CXorf58: variants seen among roughly 807,000 people sequenced by gnomAD.
The protein encoded by CXorf58 is chromosome X open reading frame 58, also known as uncharacterized protein CXorf58.
In CXorf58, 24 loss-of-function variants were observed where a neutral mutation model predicts 26.0. The ratio of observed to expected loss-of-function variants is 0.92; its 90% CI spans 0.67 to 1.30. The LOEUF (loss-of-function observed/expected upper bound fraction) is 1.30. CXorf58 is among the 50% of genes most tolerant of loss of function. The pLI, the probability that CXorf58 is intolerant of heterozygous loss-of-function variation, is 0.00. For synonymous variants in CXorf58, 87 were observed against 86.1 expected (o/e 1.01, Z -0.06); for missense variants, 236 against 263.9 (o/e 0.89, Z 0.73).
chrX:23,922,172 T>C (rs111616790), intron 5 of CXorf58, among the ~76,000 whole-genome samples: 7,931 of 108,905 alleles, frequency 0.073, 646 homozygotes, highest in African/African-American at 0.23. Flanking sequence ...GTCAGGAGTT[T>C]GAGACCAGCC....
intron 3 of CXorf58, among the ~76,000 whole-genome samples, chrX:23,914,446 G>A (rs1053365452): frequency 8.9e-6 from 1 of 112,017 alleles, no homozygotes; most frequent in Middle Eastern, 4.2e-3. Context: ...GTTGGTTGGG[G>A]TTGTTTGGGG....
intron 5 of CXorf58, among the ~76,000 whole-genome samples, chrX:23,920,645 A>C (rs1215667108): frequency 5.4e-5 from 6 of 111,588 alleles, no homozygotes; most frequent in Non-Finnish European, 1.1e-4. Context: ...TAATCCCAGC[A>C]CTTTGGGAGG....
chrX:23,933,884 CAAA>C (rs60513618), intron 6 of CXorf58, among the ~76,000 whole-genome samples: 6 of 94,380 alleles, frequency 6.4e-5, no homozygotes, highest in African/African-American at 2.3e-4. Context: ...CCGTCCCCCC[CAAA>C]AAAAAAAAAA....
intron 3 of CXorf58, among the ~76,000 whole-genome samples, chrX:23,913,069 C>T (rs974734608): frequency 1.8e-5 from 2 of 111,410 alleles, no homozygotes; most frequent in Non-Finnish European, 3.8e-5. Context: ...GCATATCCCC[C>T]CTCCTCCAGA....
intron 5 of CXorf58, among the ~76,000 whole-genome samples, chrX:23,922,105 T>A (rs1036786703): frequency 9.0e-6 from 1 of 111,086 alleles, no homozygotes; most frequent in Non-Finnish European, 1.9e-5. Flanking sequence ...CCGGGTGCTG[T>A]GGCTCACGCT....
chrX:23,924,703 T>C (rs1219826684), intron 5 of CXorf58, among the ~76,000 whole-genome samples: 3 of 108,268 alleles, frequency 2.8e-5, no homozygotes, highest in African/African-American at 1.0e-4. Context: ...TTAGGAGATA[T>C]ACCTAATGTT....
intron 5 of CXorf58, among the ~76,000 whole-genome samples, chrX:23,922,897 C>T (rs1207703010): frequency 1.8e-5 from 2 of 109,966 alleles, no homozygotes; most frequent in Non-Finnish European, 3.8e-5. Flanking sequence ...CAAATAGCCA[C>T]AGAGCTGTGG....
intron 5 of CXorf58, among the ~76,000 whole-genome samples, chrX:23,917,942 G>A (rs1350598990): frequency 1.8e-5 from 2 of 111,576 alleles, no homozygotes; most frequent in African/African-American, 6.5e-5. Context: ...CCAGGTTCAC[G>A]CCATTCTCCT....
chrX:23,912,968 G>A (rs1927622154), intron 3 of CXorf58, among the ~76,000 whole-genome samples: 1 of 109,666 alleles, frequency 9.1e-6, no homozygotes, highest in African/African-American at 3.3e-5. Flanking sequence ...GAAAGGAAAT[G>A]AAGATAGCTC....
rs189713713 is a variant in CXorf58 at position 23,922,435 on chromosome X, G to A, written c.424-4804G>A. ...CTAACTTGCCTAAGGTCTCACACCTGGAAAATGAAGGAACCGAGATCAAGA... is the reference window on the plus strand; with the variant it reads ...CTAACTTGCCTAAGGTCTCACACCTAGAAAATGAAGGAACCGAGATCAAGA... On this transcript the variant is annotated intron_variant, in intron 5 of 8. Transcript: ENST00000379211. Among the ~76,000 whole-genome samples, 31 of 111,108 alleles carry A rather than the reference G, an allele frequency of 2.8e-4. No homozygotes were observed. The East Asian group carries it at 7.1e-3, about 25-fold the overall frequency.
chrX:23,922,137 G>A (rs931146956), intron 5 of CXorf58, among the ~76,000 whole-genome samples: 4 of 110,685 alleles, frequency 3.6e-5, no homozygotes, highest in Non-Finnish European at 7.6e-5. Flanking sequence ...CACTTTGGGA[G>A]GCCGAGGCAG....
intron 6 of CXorf58, among the ~76,000 whole-genome samples, chrX:23,929,423 G>T (rs866003776): frequency 2.5e-5 from 2 of 78,717 alleles, no homozygotes; most frequent in Non-Finnish European, 5.0e-5. Flanking sequence ...AAAAAAAAAA[G>T]AAAAAGAAAA....
At chrX:23,910,469 C>A in intron 2 of CXorf58, 51 bp downstream of exon 2, 1 of 662,533 alleles carries the variant, frequency 1.5e-6, no homozygotes, top group South Asian at 2.4e-5. Flanking sequence ...GTACAGTTTC[C>A]AAACAGTACT....
rs746350773 is a variant in CXorf58 at position 23,911,953 on chromosome X, C to CTT, written c.216+112_216+113dup. On this transcript the variant is annotated intron_variant, in intron 3 of 8. Coordinates refer to ENST00000379211, the MANE Select transcript of CXorf58 (RefSeq NM_152761.3). ...GAATAGATAACCTTCTTTATCTCCTCTTTTTTTTTTTTTTTTGAGAGGGAG... is the reference window on the plus strand; with the variant it reads ...GAATAGATAACCTTCTTTATCTCCTCTTTTTTTTTTTTTTTTTTGAGAGGGAG... The CTT allele has an allele frequency of 5.8e-3, 2,536 of 435,272 alleles. 1 individual carries two copies. Among genetic ancestry groups the CTT allele is most frequent in the Non-Finnish European group, 6.5e-3 (1,745 of 270,284 alleles). The allele number at this position is 435,272 out of a possible 1,213,427, so 35.9% of individuals were successfully genotyped here.
At chrX:23,920,781 C>T (rs1002240171) in intron 5 of CXorf58, among the ~76,000 whole-genome samples, 14 of 107,472 alleles carry the variant, frequency 1.3e-4, no homozygotes, top group African/African-American at 4.4e-4. Context: ...ATCCCAGTTA[C>T]TTGGGAGGCT....
At chrX:23,929,861 A>G (rs957650653) in intron 6 of CXorf58, among the ~76,000 whole-genome samples, 1 of 111,751 alleles carries the variant, frequency 8.9e-6, no homozygotes, top group African/African-American at 3.3e-5. Flanking sequence ...ACTTAAAGCC[A>G]GTTCTCATTT....
At chrX:23,936,129 C>T (rs966146528) in intron 7 of CXorf58, among the ~76,000 whole-genome samples, 4 of 109,695 alleles carry the variant, frequency 3.6e-5, no homozygotes, top group Non-Finnish European at 7.6e-5. Context: ...AACCAGGAGC[C>T]ATCCAAGGCT....
At chrX:23,920,805 C>T (rs188645960) in intron 5 of CXorf58, among the ~76,000 whole-genome samples, 6 of 106,521 alleles carry the variant, frequency 5.6e-5, no homozygotes, top group South Asian at 4.3e-4. Context: ...GCAAGAGAAT[C>T]GCTTGAACCC....
At chrX:23,932,127 T>C (rs1194906190) in intron 6 of CXorf58, among the ~76,000 whole-genome samples, 3 of 112,541 alleles carry the variant, frequency 2.7e-5, no homozygotes, top group Non-Finnish European at 3.8e-5. Context: ...GTATAACTTA[T>C]AAGCATCTTT....
Sources: allele counts gnomAD v4.1 joint callset (sites outside exome capture counted in the v4.1 genomes callset), GRCh38; gene constraint gnomAD v4.1.1; transcripts MANE v1.5; gene names NCBI Gene and HGNC (gene_info 2026-07-23, HGNC 2026-07-21).